Variants in DMD observed in about 807,000 individuals in gnomAD.
The protein encoded by DMD is mutant dystrophin.
A neutral mutation model predicts 330.1 loss-of-function variants in DMD; 63 were observed. The observed-to-expected ratio is 0.19, with a 90% CI of 0.16 to 0.24. DMD has a LOEUF of 0.24. Among genes scored for constraint, DMD ranks in the 10% least tolerant of loss-of-function variants. DMD has a pLI of 1.00. For missense variants in DMD, 3,344 were observed against 2,684.1 expected (o/e 1.25, Z -5.43); for synonymous variants, 1,223 against 959.8 (o/e 1.27, Z -5.07).
intron 7 of DMD, among the ~76,000 whole-genome samples, chrX:32,759,301 AG>A (rs1248786419): frequency 8.9e-6 from 1 of 112,157 alleles, no homozygotes; most frequent in Non-Finnish European, 1.9e-5. Context: ...TAAACTTATC[AG>A]GCACTGAATG....
chrX:31,456,836 ATGTGTGTGTGTGTGTGTG>A (rs5901988), intron 59 of DMD, among the ~76,000 whole-genome samples: 64 of 83,255 alleles, frequency 7.7e-4, no homozygotes, highest in Admixed American at 2.2e-3. Flanking sequence ...GCCCACATAT[ATGTGTGTGTGTGTGTGTG>A]TGTGTGTGTG....
rs761041512 is a variant in DMD, at chrX:32,530,026, G to A, written c.2169-11895C>T. Among the ~76,000 whole-genome samples the A allele has an allele frequency of 1.7e-4, 19 of 111,913 alleles. No individual in the cohort carries two copies. In the South Asian group the frequency reaches 7.0e-3, roughly 42 times the overall value. On this transcript the variant is annotated intron_variant, in intron 17 of 78. Coordinates refer to ENST00000357033, the MANE Select transcript of DMD (RefSeq NM_004006.3). ...TTAATGATTTCAGATTGCACTGAAA[G>A]GCATCTTTAAAAGATACTAAAAAAT...
chrX:31,653,430 T>G (rs969082021), intron 54 of DMD, among the ~76,000 whole-genome samples: 1 of 110,843 alleles, frequency 9.0e-6, no homozygotes, highest in Non-Finnish European at 1.9e-5. Flanking sequence ...AGAGGGATTT[T>G]TTAGTATCTG....
chrX:31,924,890 A>G (rs192214006), intron 47 of DMD, among the ~76,000 whole-genome samples: 1 of 111,714 alleles, frequency 9.0e-6, no homozygotes, highest in African/African-American at 3.3e-5. Context: ...GTAGATAGTA[A>G]ATTACTGTTT....
intron 47 of DMD, among the ~76,000 whole-genome samples, chrX:31,891,934 T>C (rs2094258806): frequency 8.9e-6 from 1 of 112,033 alleles, no homozygotes; most frequent in Non-Finnish European, 1.9e-5. Context: ...ATCCATTAAT[T>C]TACCCAAATT....
intron 1 of DMD, among the ~76,000 whole-genome samples, chrX:33,296,186 G>T (rs939802636): frequency 9.0e-6 from 1 of 110,623 alleles, no homozygotes; most frequent in Non-Finnish European, 1.9e-5. Flanking sequence ...TCTTGTGAAA[G>T]GTATTCCATA....
At chrX:32,529,172 G>A (rs747639216) in intron 17 of DMD, among the ~76,000 whole-genome samples, 5 of 105,757 alleles carry the variant, frequency 4.7e-5, no homozygotes, top group Admixed American at 1.0e-4. Flanking sequence ...TGATCCGCCC[G>A]ACTCAGCCTC....
At chrX:31,956,129 T>C (rs1194687181) in intron 45 of DMD, among the ~76,000 whole-genome samples, 2 of 111,133 alleles carry the variant, frequency 1.8e-5, no homozygotes, top group South Asian at 3.9e-4. Context: ...AAAGCAGTTG[T>C]GATAGATAGA....
chrX:32,535,516 T>A (rs1387384741), intron 17 of DMD, among the ~76,000 whole-genome samples: 1 of 111,785 alleles, frequency 8.9e-6, no homozygotes, highest in Non-Finnish European at 1.9e-5. Flanking sequence ...CAATCCAATT[T>A]TCTGCCTGGC....
chrX:32,155,973 AACACACACACACACACACACACACAC>A (rs60347530), intron 44 of DMD, among the ~76,000 whole-genome samples: 18 of 95,747 alleles, frequency 1.9e-4, no homozygotes, highest in African/African-American at 6.7e-4. Context: ...TTTGTCATTC[AACACACACACACACACACACACACAC>A]ACACACACAC....
chrX:31,287,628 A>C (rs2053327189), intron 62 of DMD, among the ~76,000 whole-genome samples: 1 of 112,169 alleles, frequency 8.9e-6, no homozygotes, highest in African/African-American at 3.2e-5. Flanking sequence ...TGATGGGAGA[A>C]GAAAGCATAA....
chrX:33,162,654 C>A (rs2048824790), intron 1 of DMD, among the ~76,000 whole-genome samples: 1 of 110,834 alleles, frequency 9.0e-6, no homozygotes. Context: ...ACGCACACAC[C>A]AAAAATAACT....
At chrX:32,554,709 T>G (rs1473568131) in intron 16 of DMD, among the ~76,000 whole-genome samples, 1 of 104,846 alleles carries the variant, frequency 9.5e-6, no homozygotes, top group Non-Finnish European at 2.0e-5. Context: ...GCTGGTATCA[T>G]TTCCACTGAA....
In DMD at chrX:32,736,779, G is replaced by C. The variant is rs1230067691; in HGVS notation, c.650-37486C>G. Among the ~76,000 whole-genome samples the C allele has an allele frequency of 4.1e-5, 4 of 96,699 alleles. 1 individual carries two copies. Among genetic ancestry groups the C allele is most frequent in the African/African-American group, 1.7e-4 (4 of 24,012 alleles). 84.0% of individuals were successfully genotyped at this position (96,699 alleles called of 115,157 possible). A position where few individuals can be genotyped will look rare whatever the true frequency, so the allele number is the denominator to read the frequency against. ...TGGGGACTGTGGTGGGGTGGGGGGA[G>C]GGGGTAGGGATAGCACTGGGAGATT... On this transcript the variant is annotated intron_variant, in intron 7 of 78. Coordinates refer to ENST00000357033, the MANE Select transcript of DMD (RefSeq NM_004006.3).
intron 2 of DMD, among the ~76,000 whole-genome samples, chrX:32,921,567 G>A (rs981602806): frequency 9.0e-6 from 1 of 111,568 alleles, no homozygotes; most frequent in African/African-American, 3.3e-5. Flanking sequence ...GCGCATGTAT[G>A]TACAGCAGAT....
At chrX:32,123,517 G>GT (rs2096648354) in intron 44 of DMD, among the ~76,000 whole-genome samples, 1 of 109,380 alleles carries the variant, frequency 9.1e-6, no homozygotes, top group Non-Finnish European at 1.9e-5. Flanking sequence ...TCAGGAAAAA[G>GT]GTGCTCTGTT....
chrX:32,812,384 G>T (rs2077434586), intron 6 of DMD, among the ~76,000 whole-genome samples: 1 of 112,475 alleles, frequency 8.9e-6, no homozygotes, highest in Non-Finnish European at 1.9e-5. Flanking sequence ...TATACTCCCA[G>T]CACTTTGGGA....
intron 57 of DMD, among the ~76,000 whole-genome samples, chrX:31,482,826 C>T (rs1189372492): frequency 1.8e-5 from 2 of 110,947 alleles, no homozygotes; most frequent in African/African-American, 3.3e-5. Context: ...GAGTGAAAGA[C>T]GGAAGCTAGC....
Position 33,090,290 on chromosome X carries a change from A to G in DMD, c.32-70090T>C, listed in dbSNP as rs1052993087. 2.6e-4 allele frequency among the ~76,000 whole-genome samples: 29 copies of G among 109,584 alleles called. 1 individual carries two copies. In the Admixed American group the frequency reaches 2.7e-3, roughly 10 times the overall value. On this transcript the variant is annotated intron_variant, in intron 1 of 78. Coordinates refer to ENST00000357033, the MANE Select transcript of DMD (RefSeq NM_004006.3). Reference sequence around the variant, plus strand: ...ATATATACCAAAATTACATACATGTATTTACCCACAGCTACAAATATAGTC... The same window carrying G: ...ATATATACCAAAATTACATACATGTGTTTACCCACAGCTACAAATATAGTC...
Sources: allele counts gnomAD v4.1 joint callset (sites outside exome capture counted in the v4.1 genomes callset), GRCh38; gene constraint gnomAD v4.1.1; transcripts MANE v1.5; gene names NCBI Gene and HGNC (gene_info 2026-07-23, HGNC 2026-07-21).